Variants in KALRN observed in about 807,000 individuals in gnomAD.
The protein encoded by KALRN is kalirin RhoGEF kinase.
In KALRN, 70 loss-of-function variants were observed where a neutral mutation model predicts 353.7. The ratio of observed to expected loss-of-function variants is 0.20; its 90% CI spans 0.16 to 0.24. The LOEUF (loss-of-function observed/expected upper bound fraction) is 0.24, where lower values mean the gene tolerates loss of function less well. Ranked by LOEUF, KALRN falls within the 10% of genes least tolerant of loss-of-function variation. The probability of loss-of-function intolerance (pLI) is 1.00; values close to 1 mark genes in which losing one functional copy is unlikely to be tolerated. For missense variants in KALRN, 2,791 were observed against 3,756.7 expected (o/e 0.74, Z 6.72); for synonymous variants, 1,391 against 1,434.8 (o/e 0.97, Z 0.69).
At position 124,413,538 on chromosome 3, in the gene KALRN, C is replaced by T. The variant is rs2150267321; in HGVS notation, c.2415C>T (p.Asp805=). The part of the protein sequence containing the change: ...LRQMNDFNTE[D]LTLAEQRLQR... ...AGATGAATGACTTCAACACAGAGGA[C>T]CTAACCCTGGCAGAACAGCGGCTGC... Residue 805 remains aspartate, a synonymous_variant, in exon 14 of 60, where the codon GAC becomes GAT. Transcript: ENST00000682506. The T allele has an allele frequency of 1.9e-6, 3 of 1,614,116 alleles. No homozygotes were observed. The highest frequency in any genetic ancestry group is 2.5e-6 in the Non-Finnish European group (3 of 1,180,024).
At chr3:124,233,052 A>C (rs148403517) in intron 2 of KALRN, among the ~76,000 whole-genome samples, 57 of 152,116 alleles carry the variant, frequency 3.7e-4, no homozygotes, top group Admixed American at 1.2e-3. Flanking sequence ...CCTGAATCTC[A>C]TGTCTCCAAG....
chr3:124,084,603 A>G (rs2060710360), intron 1 of KALRN, among the ~76,000 whole-genome samples: 1 of 152,192 alleles, frequency 6.6e-6, no homozygotes, highest in Non-Finnish European at 1.5e-5. Context: ...TGTTTAGACA[A>G]TTACTCCCCA....
intron 1 of KALRN, among the ~76,000 whole-genome samples, chr3:124,086,346 T>C (rs1026973751): frequency 7.0e-6 from 1 of 143,812 alleles, no homozygotes; most frequent in Non-Finnish European, 1.5e-5. Flanking sequence ...TGTGTGTGTG[T>C]GTGTGTGTTT....
chr3:124,436,955 A>G (rs539732650), intron 17 of KALRN, among the ~76,000 whole-genome samples: 8 of 144,786 alleles, frequency 5.5e-5, no homozygotes, highest in South Asian at 4.7e-4. Flanking sequence ...ATGTGATGCT[A>G]GAGATGGGAC....
chr3:124,219,813 G>A (rs2077699001), intron 1 of KALRN, among the ~76,000 whole-genome samples: 1 of 152,012 alleles, frequency 6.6e-6, no homozygotes, highest in South Asian at 2.1e-4. Context: ...TTGGGGAGAG[G>A]CATGTGGGTC....
chr3:124,398,158 C>T (rs1181994615), intron 12 of KALRN, among the ~76,000 whole-genome samples: 1 of 152,200 alleles, frequency 6.6e-6, no homozygotes, highest in Non-Finnish European at 1.5e-5. Context: ...ATAATAACAC[C>T]AGCCCATAAC....
rs757732222 is a variant in KALRN, at chr3:124,080,653, G to A, written c.73+46840G>A. On this transcript the variant is annotated intron_variant, in intron 1 of 59. Transcript: ENST00000682506. The stretch of plus-strand genomic sequence containing the variant: ...GGTGTTTAAAATCATCATAAACAGC[G>A]TCTCCTTGTACACATGTACAAGTGC... Among the ~76,000 whole-genome samples, 5 of 152,110 alleles carry A rather than the reference G, an allele frequency of 3.3e-5. No individual in the cohort carries two copies. In the East Asian group the frequency reaches 5.8e-4, roughly 18 times the overall value.
At chr3:124,280,343 C>G (rs149949071) in intron 5 of KALRN, among the ~76,000 whole-genome samples, 1 of 152,184 alleles carries the variant, frequency 6.6e-6, no homozygotes, top group East Asian at 1.9e-4. Context: ...TGTAGTTACA[C>G]CCTGCAGTCC....
At chr3:124,510,540 A>G (rs77120030) in intron 33 of KALRN, among the ~76,000 whole-genome samples, 18,561 of 152,002 alleles carry the variant, frequency 0.12, 1,211 homozygotes, top group Non-Finnish European at 0.15. Flanking sequence ...TTGTTTCAGC[A>G]TGATGATTAT....
intron 45 of KALRN, among the ~76,000 whole-genome samples, chr3:124,663,659 T>G (rs1448780190): frequency 6.6e-6 from 1 of 152,232 alleles, no homozygotes; most frequent in African/African-American, 2.4e-5. Context: ...CCCAGCAGTC[T>G]GAAACCTAAG....
At chr3:124,639,407 G>C (rs1410824788) in intron 37 of KALRN, among the ~76,000 whole-genome samples, 1 of 151,896 alleles carries the variant, frequency 6.6e-6, no homozygotes, top group African/African-American at 2.4e-5. Flanking sequence ...TCCCTAGCTA[G>C]ATGGTAAGTC....
chr3:124,143,945 A>AG (rs1297514157), intron 1 of KALRN, among the ~76,000 whole-genome samples: 2 of 152,148 alleles, frequency 1.3e-5, no homozygotes, highest in African/African-American at 2.4e-5. Context: ...ATGGGCAGTA[A>AG]GGGGGGGATC....
At chr3:124,563,249 T>C (rs2072282991) in intron 34 of KALRN, among the ~76,000 whole-genome samples, 160 bp downstream of exon 34, 2 of 152,156 alleles carry the variant, frequency 1.3e-5, no homozygotes, top group African/African-American at 2.4e-5. Context: ...GGTTGGGAAC[T>C]TGGAGAGGAA....
chr3:124,195,807 C>T (rs1348856164), intron 1 of KALRN, among the ~76,000 whole-genome samples: 1 of 152,206 alleles, frequency 6.6e-6, no homozygotes, highest in African/African-American at 2.4e-5. Flanking sequence ...CAAAGGCCTG[C>T]CTACCTGCCA....
intron 54 of KALRN, 93 bp from the exon 55 acceptor site, chr3:124,697,500 C>A: frequency 7.8e-7 from 1 of 1,286,502 alleles, no homozygotes; most frequent in Non-Finnish European, 1.0e-6. Flanking sequence ...ATTGTGACAT[C>A]GGTTAGGTAA....
chr3:124,539,409 G>C (rs557807007), intron 33 of KALRN, among the ~76,000 whole-genome samples: 1 of 152,060 alleles, frequency 6.6e-6, no homozygotes, highest in Non-Finnish European at 1.5e-5. Flanking sequence ...TTAAAACATC[G>C]ACCATTGTTC....
chr3:124,401,013 T>C (rs2090788465), intron 13 of KALRN, among the ~76,000 whole-genome samples: 1 of 152,194 alleles, frequency 6.6e-6, no homozygotes, highest in African/African-American at 2.4e-5. Flanking sequence ...AGCTTCACTT[T>C]GACATCGACT....
At chr3:124,541,720 T>TAA (rs753191575) in intron 33 of KALRN, among the ~76,000 whole-genome samples, 1 of 117,254 alleles carries the variant, frequency 8.5e-6, no homozygotes, top group African/African-American at 3.2e-5. Flanking sequence ...CCATCTCTAC[T>TAA]AAAAAAAAAA....
chr3:124,202,661 C>T (rs1305813034), intron 1 of KALRN, among the ~76,000 whole-genome samples: 3 of 152,140 alleles, frequency 2.0e-5, no homozygotes, highest in Non-Finnish European at 4.4e-5. Flanking sequence ...TCTATCCACC[C>T]TTCCAGCCTG....
Sources: gnomAD v4.1 joint callset for allele counts (sites outside exome capture counted in the v4.1 genomes callset) on GRCh38, gnomAD v4.1.1 for gene constraint, MANE v1.5 for transcripts, NCBI Gene and HGNC (gene_info 2026-07-23, HGNC 2026-07-21) for gene names.